The following SPTB variants were observed in gnomAD, a reference collection of about 807,000 sequenced individuals.
SPTB encodes spectrin beta, erythrocytic, also known as spectrin beta chain, erythrocytic.
Under a neutral mutation model 256.2 loss-of-function variants are expected in SPTB, and 45 were observed. That is an observed-to-expected ratio of 0.18 (90% CI 0.14 to 0.23). The LOEUF (loss-of-function observed/expected upper bound fraction) is 0.23, where lower values mean the gene tolerates loss of function less well. Among genes scored for constraint, SPTB ranks in the 10% least tolerant of loss-of-function variants. The probability of loss-of-function intolerance (pLI) is 1.00; values close to 1 mark genes in which losing one functional copy is unlikely to be tolerated. For synonymous variants in SPTB, 1,231 were observed against 1,243.1 expected, an observed-to-expected ratio of 0.99 and a Z score of 0.21; for missense variants, 2,715 against 3,040.4, an observed-to-expected ratio of 0.89 and a Z score of 2.52.
In SPTB at chr14:64,844,975, AAGTCTTTGAGCTCTT is replaced by A. The variant is rs372633970; in HGVS notation, c.-51-21845_-51-21831del. ...GACCAGAAATAAGACCCAGAATCTC[AAGTCTTTGAGCTCTT>A]GCTCTCACTGCATACAATACTTCCT... On this transcript the variant is annotated intron_variant, in intron 1 of 35. Coordinates refer to ENST00000644917, the MANE Select transcript of SPTB (RefSeq NM_001355436.2). The surrounding 1 kb of genome is among the most constrained non-coding windows in gnomAD (Gnocchi z 4.1). Among the ~76,000 whole-genome samples, 428 of 152,348 alleles carry A rather than the reference AAGTCTTTGAGCTCTT, an allele frequency of 2.8e-3. 1 individual carries two copies. The highest frequency in any genetic ancestry group is 0.01 in the African/African-American group (418 of 41,576).
rs1279582799 is a variant in SPTB at position 64,767,754 on chromosome 14, C to G, written c.6128G>C (p.Ser2043Thr). The change falls in exon 30 of 36, where the codon AGT becomes ACT. Residue 2043 changes from serine to threonine, a missense_variant. By Grantham distance (58) the Ser-to-Thr change is moderately conservative (BLOSUM62 1). This residue lies in a region of SPTB where 2,239 missense variants were observed against 2,384.4 expected (regional missense o/e 0.94). Coordinates refer to ENST00000644917, the MANE Select transcript of SPTB (RefSeq NM_001355436.2). ...ASGDFGHTVD[S>T]VEKLIKRHEA... ...ATGCCTCTTGATGAGCTTCTCCACA[C>G]TGTCCACTGTGTGTCCAAAGTCCCC... 6.2e-7 allele frequency: 1 copy of G among 1,614,212 alleles called. No individual in the cohort carries two copies.
Position 64,797,791 on chromosome 14 carries a change from T to C in SPTB, c.1120A>G (p.Arg374Gly), listed in dbSNP as rs1466812782. 3.7e-6 allele frequency: 6 copies of C among 1,614,088 alleles called. No individual in the cohort carries two copies. Among genetic ancestry groups the C allele is most frequent in the African/African-American group, 2.7e-5 (2 of 74,924 alleles). ...GTGTACACTTTCTGATTGTTGGCTC[T>C]CATCCGGGACTGGATGGTAAAAAGT... Reference protein sequence around the residue: ...VLLFTIQSRMRANNQKVYTPH... With the variant: ...VLLFTIQSRMGANNQKVYTPH... Residue 374 changes from arginine (R) to glycine (G), a missense_variant, in exon 10 of 36, where the codon AGA (arginine) becomes GGA (glycine). By Grantham distance (125) the Arg-to-Gly change is moderately radical. This residue lies in a region of SPTB where 416 missense variants were observed against 571.1 expected (regional missense o/e 0.73). Transcript: ENST00000644917.
In SPTB at chr14:64,795,377, T is replaced by C; in HGVS notation, c.1604A>G (p.Gln535Arg). ...CCAGTCGATGCTGTGCAGCATGTCC[T>C]GGAAGAGCTTCTGCAGTGCCAGGGT... ...ETTLALQKLF[Q>R]DMLHSIDWMD... Residue 535 changes from glutamine (Q) to arginine (R), a missense_variant, in exon 12 of 36, where the codon CAG becomes CGG. Transcript: ENST00000644917. The surrounding 1 kb of genome is among the most constrained non-coding windows in gnomAD (Gnocchi z 6.5). 1 of 1,613,554 alleles carries C rather than the reference T, an allele frequency of 6.2e-7. No individual in the cohort carries two copies. Among genetic ancestry groups the C allele is most frequent in the Non-Finnish European group, 8.5e-7 (1 of 1,180,028 alleles).
intron 9 of SPTB, among the ~76,000 whole-genome samples, chr14:64,798,576 C>T (rs1322373866): frequency 6.6e-6 from 1 of 152,186 alleles, no homozygotes; most frequent in African/African-American, 2.4e-5. Context: ...AGGTCCCCAC[C>T]CTGAGCCCAG....
intron 2 of SPTB, among the ~76,000 whole-genome samples, chr14:64,822,137 C>T (rs1179980817): frequency 6.6e-6 from 1 of 151,358 alleles, no homozygotes; most frequent in Non-Finnish European, 1.5e-5. Context: ...TGAAGGAACC[C>T]ACCTTCCACA....
chr14:64,765,048 G>GCA (rs2082147830), intron 32 of SPTB, among the ~76,000 whole-genome samples: 1 of 144,432 alleles, frequency 6.9e-6, no homozygotes. Context: ...GTGTGCGCGC[G>GCA]CGCGCGCGGG....
chr14:64,835,196 G>T (rs2083505232), intron 1 of SPTB, among the ~76,000 whole-genome samples: 1 of 152,182 alleles, frequency 6.6e-6, no homozygotes, highest in Non-Finnish European at 1.5e-5. Flanking sequence ...GTGCCTGCAA[G>T]AGGCAGCTTT....
At chr14:64,787,855 G>C (rs1197376809) in intron 15 of SPTB, among the ~76,000 whole-genome samples, 1 of 152,216 alleles carries the variant, frequency 6.6e-6, no homozygotes, top group Admixed American at 6.5e-5. Context: ...TCAAAGAGCT[G>C]CCCATCAGCC....
At chr14:64,781,149 T>G (rs941730453) in intron 20 of SPTB, among the ~76,000 whole-genome samples, 2 of 152,190 alleles carry the variant, frequency 1.3e-5, no homozygotes, top group African/African-American at 4.8e-5. Flanking sequence ...AATATCATCC[T>G]GGACATAGGA....
chr14:64,791,814 C>T lies in SPTB; in HGVS notation c.2709G>A (p.Gln903=). The T allele has an allele frequency of 1.2e-6, 2 of 1,614,216 alleles. No homozygotes were observed. The highest frequency in any genetic ancestry group is 1.7e-6 in the Non-Finnish European group (2 of 1,180,048). ...LDQEMKTLMT[Q]IDGVNLAANS... is the part of the protein sequence containing the mutation. The stretch of plus-strand genomic sequence containing the variant: ...TGGCAGCGAGGTTCACACCATCAAT[C>T]TGAGTCATCAAGGTCTTCATCTCCT... Residue 903 remains glutamine, a synonymous_variant, in exon 15 of 36, where the codon CAG becomes CAA. Transcript: ENST00000644917.
intron 33 of SPTB, among the ~76,000 whole-genome samples, chr14:64,752,861 A>G (rs2081971224): frequency 6.6e-6 from 1 of 152,008 alleles, no homozygotes. Context: ...GGGACCCTGG[A>G]CTGCTGCTAG....
In SPTB at chr14:64,878,083, A is replaced by C. The variant is rs181267643; in HGVS notation, c.-52+1709T>G. Among the ~76,000 whole-genome samples the C allele has an allele frequency of 2.0e-4, 31 of 152,332 alleles. No individual in the cohort carries two copies. The South Asian group carries it at 6.0e-3, about 30-fold the overall frequency. ...ACTCTGAGTCTTCCCAGAACTCAAGATCAATAGGACTGGCTCATCCCCATC... is the reference window on the plus strand; with the variant it reads ...ACTCTGAGTCTTCCCAGAACTCAAGCTCAATAGGACTGGCTCATCCCCATC... On this transcript the variant is annotated intron_variant, in intron 1 of 35. Transcript: ENST00000644917.
chr14:64,753,469 T>C (rs1359541913), intron 33 of SPTB, 68 bp downstream of exon 33: 3 of 1,608,530 alleles, frequency 1.9e-6, no homozygotes, highest in Non-Finnish European at 2.5e-6. Flanking sequence ...TCACCAAGGC[T>C]CTGCTAGCAG....
rs542462461 is a variant in SPTB at position 64,807,910 on chromosome 14, T to C, written c.149-2820A>G. On this transcript the variant is annotated intron_variant, in intron 2 of 35. Transcript: ENST00000644917. The surrounding 1 kb of genome is among the most constrained non-coding windows in gnomAD (Gnocchi z 4.7). ...CACAGCCCTGCCAGGAGCCAGGCCTTATTTCCAGAGCCCTAACCCTGCCAG... is the reference window on the plus strand; with the variant it reads ...CACAGCCCTGCCAGGAGCCAGGCCTCATTTCCAGAGCCCTAACCCTGCCAG... 6.0e-4 allele frequency among the ~76,000 whole-genome samples: 91 copies of C among 152,350 alleles called. No individual in the cohort carries two copies. Among genetic ancestry groups the C allele is most frequent in the African/African-American group, 2.1e-3 (87 of 41,598 alleles).
In SPTB at chr14:64,779,297, T is replaced by C. The variant is rs1262723704; in HGVS notation, c.4474-51A>G. 2 of 1,475,038 alleles carry C rather than the reference T, an allele frequency of 1.4e-6. No homozygotes were observed. Among genetic ancestry groups the C allele is most frequent in the East Asian group, 2.3e-5 (1 of 43,330 alleles). The allele number at this position is 1,475,038 out of a possible 1,614,324, so 91.4% of individuals were successfully genotyped here. ...AGCTGATGACAATCACGGCCAACCT[T>C]TCCTGAGTGCTCACCATGGGCGGCG... On this transcript the variant is annotated intron_variant, in intron 21 of 35. Transcript: ENST00000644917. This position sits in a 1 kb window ranked among gnomAD's most constrained non-coding sequence, Gnocchi z 4.2.
At position 64,799,696 on chromosome 14, in the gene SPTB, G is replaced by A. The variant is rs759578179; in HGVS notation, c.1064+51C>T. 32 of 1,605,020 alleles carry A rather than the reference G, an allele frequency of 2.0e-5. No homozygotes were observed. The South Asian group carries it at 3.5e-4, about 18-fold the overall frequency. On this transcript the variant is annotated intron_variant, in intron 9 of 35. Coordinates refer to ENST00000644917, the MANE Select transcript of SPTB (RefSeq NM_001355436.2). ...CAGAACCTGGCTCTACCTTTTGGTGGTCAGTTTCCCAGCCACTGAGGACCA... is the reference window on the plus strand; with the variant it reads ...CAGAACCTGGCTCTACCTTTTGGTGATCAGTTTCCCAGCCACTGAGGACCA...
Position 64,753,545 on chromosome 14 carries a change from A to C in SPTB, c.6594T>G (p.Ala2198=), listed in dbSNP as rs1168733246. ...KHDLEGPNKK[A]SNRSWNNLYC... ...GCCTCTCCCGCACTCACCTGTTGGA[A>C]GCCTTCTTGTTGGGCCCCTCCAGGT... Residue 2198 remains alanine, a synonymous_variant, in exon 33 of 36, where the codon GCT becomes GCG. Transcript: ENST00000644917. The C allele has an allele frequency of 1.2e-6, 2 of 1,613,444 alleles. No homozygotes were observed. Among genetic ancestry groups the C allele is most frequent in the South Asian group, 2.2e-5 (2 of 91,084 alleles).
Position 64,823,949 on chromosome 14 carries a change from C to A in SPTB, c.-51-804G>T, listed in dbSNP as rs1192270853. Among the ~76,000 whole-genome samples, 1 of 152,172 alleles carries A rather than the reference C, an allele frequency of 6.6e-6. No individual in the cohort carries two copies. The highest frequency in any genetic ancestry group is 2.4e-5 in the African/African-American group (1 of 41,444). ...ATTGTGAGTCCATGTGATGAACCAG[C>A]GCATCAGGAGCACTGGGTCCTCCCT... On this transcript the variant is annotated intron_variant, in intron 1 of 35. Coordinates refer to ENST00000644917, the MANE Select transcript of SPTB (RefSeq NM_001355436.2). This position sits in a 1 kb window ranked among gnomAD's most constrained non-coding sequence, Gnocchi z 6.5.
intron 1 of SPTB, 125 bp downstream of exon 1, chr14:64,879,667 G>A (rs542574323): frequency 9.6e-4 from 139 of 145,540 alleles, no homozygotes; most frequent in Admixed American, 1.9e-3. Flanking sequence ...ACTCCCACCC[G>A]GTCCTCTGGG....
Sources: gnomAD v4.1 joint callset for allele counts (sites outside exome capture counted in the v4.1 genomes callset) on GRCh38, gnomAD v4.1.1 for gene constraint, gnomAD v4.1.1 regional missense constraint, Gnocchi (gnomAD v3.1) non-coding constraint, MANE v1.5 for transcripts, NCBI Gene and HGNC (gene_info 2026-07-23, HGNC 2026-07-21) for gene names.